AK4: variants seen among roughly 807,000 people sequenced by gnomAD.
The protein encoded by AK4 is adenylate kinase 4, also known as adenylate kinase 4, mitochondrial.
Under a neutral mutation model 24.6 loss-of-function variants are expected in AK4, and 13 were observed. The observed-to-expected ratio is 0.53, with a 90% CI of 0.34 to 0.84. The LOEUF is 0.84. Among genes scored for constraint, AK4 ranks in the 40% least tolerant of loss-of-function variants. The pLI is 0.01. For missense variants in AK4, 192 were observed against 288.2 expected (o/e 0.67, Z 2.42); for synonymous variants, 88 against 107.0 (o/e 0.82, Z 1.10).
chr1:65,226,162 C>G lies in AK4; in HGVS notation c.657C>G (p.Ser219=). Residue 219 remains serine (S), a synonymous_variant, in exon 5 of 5, where the codon TCC becomes TCG. Coordinates refer to ENST00000327299, the MANE Select transcript of AK4 (RefSeq NM_013410.4). ...CAAACAAGATCACACCTATTCAGTC[C>G]AAAGAAGCATATTGACCCTGCCCAA... ...LFSNKITPIQ[S]KEAY The G allele has an allele frequency of 6.2e-7, 1 of 1,607,748 alleles. No homozygotes were observed.
Position 65,228,528 on chromosome 1 carries a change from A to C in AK4, c.*2351A>C, listed in dbSNP as rs1652535267. The C allele has an allele frequency of 6.6e-6, 1 of 152,134 alleles. No homozygotes were observed. The highest frequency in any genetic ancestry group is 2.4e-5 in the African/African-American group (1 of 41,422). The allele number at this position is 152,134 out of a possible 1,614,324, so 9.4% of individuals were successfully genotyped here. Reference sequence around the variant, plus strand: ...TCACCTCCCTCGCTAGTTGAGACCAAAAAGAGACAAATAACTTTTTCATGG... The same window carrying C: ...TCACCTCCCTCGCTAGTTGAGACCACAAAGAGACAAATAACTTTTTCATGG... On this transcript the variant is annotated 3_prime_UTR_variant, in exon 5 of 5. Transcript: ENST00000327299.
chr1:65,178,560 G>T (rs549646992), intron 1 of AK4, among the ~76,000 whole-genome samples: 2 of 152,162 alleles, frequency 1.3e-5, no homozygotes, highest in Admixed American at 1.3e-4. Flanking sequence ...ATTACAGAAG[G>T]GGGGATTAAC....
chr1:65,220,337 A>G (rs1652258275), intron 3 of AK4, among the ~76,000 whole-genome samples: 1 of 152,172 alleles, frequency 6.6e-6, no homozygotes, highest in African/African-American at 2.4e-5. Context: ...TTGATTTTGC[A>G]TTTCCACCAG....
intron 1 of AK4, among the ~76,000 whole-genome samples, chr1:65,178,987 G>A (rs1650813550): frequency 6.6e-6 from 1 of 152,172 alleles, no homozygotes. Context: ...AGCGACTTGT[G>A]CCACCTTGTG....
At chr1:65,198,884 C>G (rs1215099008) in intron 2 of AK4, among the ~76,000 whole-genome samples, 8 of 151,698 alleles carry the variant, frequency 5.3e-5, no homozygotes, top group Non-Finnish European at 7.4e-5. Flanking sequence ...TGAGACCAGC[C>G]TGGGCAACAC....
intron 2 of AK4, among the ~76,000 whole-genome samples, chr1:65,200,661 TGGTGC>T (rs1003615637): frequency 2.0e-5 from 3 of 152,232 alleles, no homozygotes; most frequent in African/African-American, 7.2e-5. Flanking sequence ...GCATTTCTTC[TGGTGC>T]TAAGCATTCA....
intron 3 of AK4, among the ~76,000 whole-genome samples, chr1:65,223,558 A>G (rs1318076766): frequency 6.6e-6 from 1 of 152,122 alleles, no homozygotes; most frequent in Admixed American, 6.5e-5. Context: ...ACTTATAGTA[A>G]GTGTATTCAA....
intron 1 of AK4, among the ~76,000 whole-genome samples, chr1:65,176,274 T>C (rs549012149): frequency 1.3e-5 from 2 of 152,248 alleles, no homozygotes; most frequent in Non-Finnish European, 1.5e-5. Context: ...TTGGCTATTA[T>C]AGAAGCATAC....
At chr1:65,225,497 T>C (rs1394854073) in intron 4 of AK4, among the ~76,000 whole-genome samples, 1 of 152,154 alleles carries the variant, frequency 6.6e-6, no homozygotes, top group African/African-American at 2.4e-5. Context: ...TGTGTGTATG[T>C]GTGTGAGGGG....
chr1:65,219,125 T>C (rs1246663037), intron 3 of AK4, among the ~76,000 whole-genome samples, 199 bp downstream of exon 3: 1 of 152,042 alleles, frequency 6.6e-6, no homozygotes, highest in African/African-American at 2.4e-5. Flanking sequence ...TTTGGATCTA[T>C]TGGACTGGCA....
chr1:65,195,496 A>G (rs1651438827), intron 2 of AK4, among the ~76,000 whole-genome samples: 1 of 152,114 alleles, frequency 6.6e-6, no homozygotes, highest in African/African-American at 2.4e-5. Context: ...AGTTTTAGGG[A>G]ACTTAAAAAT....
intron 1 of AK4, among the ~76,000 whole-genome samples, chr1:65,174,597 G>A (rs41403544): frequency 0.1 from 15,343 of 152,190 alleles, 1,003 homozygotes; most frequent in Admixed American, 0.22. Flanking sequence ...ACCTGCCCTT[G>A]AGGTGTTCTC....
chr1:65,173,517 T>G (rs575191542), intron 1 of AK4, among the ~76,000 whole-genome samples: 7 of 152,262 alleles, frequency 4.6e-5, no homozygotes, highest in African/African-American at 1.4e-4. Flanking sequence ...CGTTTCAGTC[T>G]TTCCTTGGAA....
At chr1:65,176,452 C>T (rs151182225) in intron 1 of AK4, among the ~76,000 whole-genome samples, 12 of 152,254 alleles carry the variant, frequency 7.9e-5, no homozygotes, top group African/African-American at 2.4e-4. Flanking sequence ...AATGATGATT[C>T]AGGCCTGAGT....
At chr1:65,162,923 G>A (rs1042447845) in intron 1 of AK4, among the ~76,000 whole-genome samples, 2 of 152,130 alleles carry the variant, frequency 1.3e-5, no homozygotes, top group African/African-American at 4.8e-5. Context: ...TGGCTGCTTA[G>A]CATGTTTTCA....
intron 1 of AK4, among the ~76,000 whole-genome samples, chr1:65,163,819 G>A (rs1650246987): frequency 6.6e-6 from 1 of 152,100 alleles, no homozygotes; most frequent in South Asian, 2.1e-4. Context: ...GGTGGGGCTT[G>A]GGAAGTGGGG....
Position 65,174,824 on chromosome 1 carries a change from C to G in AK4, c.146-15886C>G, listed in dbSNP as rs551492673. 3.9e-5 allele frequency among the ~76,000 whole-genome samples: 6 copies of G among 152,240 alleles called. No individual in the cohort carries two copies. The South Asian group carries it at 1.2e-3, about 32-fold the overall frequency. ...ACTTTCTATTTCTTCAACCACAAAC[C>G]AAGAATAATAATGGTACTACTTCAT... is the stretch of plus-strand genomic sequence containing the variant. On this transcript the variant is annotated intron_variant, in intron 1 of 4. Coordinates refer to ENST00000327299, the MANE Select transcript of AK4 (RefSeq NM_013410.4).
At chr1:65,207,567 TTC>T (rs1454673400) in intron 2 of AK4, among the ~76,000 whole-genome samples, 10 of 151,708 alleles carry the variant, frequency 6.6e-5, no homozygotes, top group African/African-American at 2.4e-4. Context: ...TTTTTTTTTT[TTC>T]CTTCTACTTT....
At chr1:65,174,465 T>G (rs1650643982) in intron 1 of AK4, among the ~76,000 whole-genome samples, 1 of 152,228 alleles carries the variant, frequency 6.6e-6, no homozygotes, top group Non-Finnish European at 1.5e-5. Flanking sequence ...TATTATTTTT[T>G]TCTTGGCTAC....
Sources: gnomAD v4.1 joint callset for allele counts (sites outside exome capture counted in the v4.1 genomes callset) on GRCh38, gnomAD v4.1.1 for gene constraint, MANE v1.5 for transcripts, NCBI Gene and HGNC (gene_info 2026-07-23, HGNC 2026-07-21) for gene names.